The following STPG2 variants were observed in gnomAD, a reference collection of about 807,000 sequenced individuals.
STPG2 encodes sperm-tail PG-rich repeat-containing protein 2.
STPG2 carries 56 observed loss-of-function variants against 54.2 expected under a neutral mutation model. That is an observed-to-expected ratio of 1.03 (90% CI 0.83 to 1.29). The LOEUF is 1.29. Among genes scored for constraint, STPG2 ranks in the 50% most tolerant of loss-of-function variants. The pLI, the probability that STPG2 is intolerant of heterozygous loss-of-function variation, is 0.00. For synonymous variants in STPG2, 200 were observed against 181.8 expected (o/e 1.10, Z -0.81); for missense variants, 596 against 544.9 (o/e 1.09, Z -0.93).
chr4:97,896,001 C>A (rs1730940226), intron 8 of STPG2, among the ~76,000 whole-genome samples: 1 of 151,814 alleles, frequency 6.6e-6, no homozygotes, highest in African/African-American at 2.4e-5. Context: ...TCAGGTGTGA[C>A]TTTAAAAGTT....
intron 7 of STPG2, among the ~76,000 whole-genome samples, chr4:97,949,004 G>A (rs1733358852): frequency 1.3e-5 from 2 of 152,058 alleles, no homozygotes; most frequent in Admixed American, 6.6e-5. Context: ...TGCTGTCAAT[G>A]GGGTGTTGAA....
At chr4:97,582,874 A>G (rs1732896347) in intron 10 of STPG2, among the ~76,000 whole-genome samples, 1 of 152,062 alleles carries the variant, frequency 6.6e-6, no homozygotes, top group South Asian at 2.1e-4. Context: ...TGCTATCATA[A>G]GCTGGGAGGA....
intron 10 of STPG2, among the ~76,000 whole-genome samples, chr4:97,699,124 G>A (rs1048868121): frequency 5.3e-5 from 8 of 152,180 alleles, no homozygotes; most frequent in African/African-American, 1.9e-4. Flanking sequence ...TGAGGAATGT[G>A]GCTATACTGA....
chr4:98,135,853 T>C (rs1170653960), intron 1 of STPG2, among the ~76,000 whole-genome samples: 1 of 151,702 alleles, frequency 6.6e-6, no homozygotes, highest in Admixed American at 6.6e-5. Context: ...TTACTCAGGG[T>C]AAATAGCCAG....
intron 10 of STPG2, among the ~76,000 whole-genome samples, chr4:97,574,960 A>G (rs2148886386): frequency 6.6e-6 from 1 of 152,154 alleles, no homozygotes; most frequent in Middle Eastern, 3.4e-3. Context: ...TGAAATTACA[A>G]AAAAATCACA....
intron 7 of STPG2, among the ~76,000 whole-genome samples, chr4:97,955,821 C>A (rs976407804): frequency 6.6e-6 from 1 of 152,014 alleles, no homozygotes; most frequent in African/African-American, 2.4e-5. Flanking sequence ...GATGGAAAGT[C>A]TAAAAAAACA....
Position 97,820,561 on chromosome 4 carries a change from A to T in STPG2, c.1204+20212T>A, listed in dbSNP as rs544296395. Among the ~76,000 whole-genome samples, 21 of 152,326 alleles carry T rather than the reference A, an allele frequency of 1.4e-4. No individual in the cohort carries two copies. In the South Asian group the frequency reaches 4.1e-3, roughly 30 times the overall value. On this transcript the variant is annotated intron_variant, in intron 9 of 10. Transcript: ENST00000295268. ...AAAATGCTACCACAGTAAATACACA[A>T]ATCAAAAGAAAGTTGTTAAGCCATT...
chr4:98,101,242 A>G (rs1739028617), intron 5 of STPG2, among the ~76,000 whole-genome samples: 1 of 152,188 alleles, frequency 6.6e-6, no homozygotes, highest in African/African-American at 2.4e-5. Flanking sequence ...ACAGAATAAG[A>G]GACAATTTCC....
At chr4:98,000,754 G>A (rs1339122880) in intron 5 of STPG2, among the ~76,000 whole-genome samples, 1 of 152,104 alleles carries the variant, frequency 6.6e-6, no homozygotes, top group East Asian at 1.9e-4. Context: ...ACCATTGCAA[G>A]TGTCACTGGG....
intron 8 of STPG2, among the ~76,000 whole-genome samples, chr4:97,912,157 T>A (rs1186445588): frequency 6.6e-6 from 1 of 151,312 alleles, no homozygotes; most frequent in East Asian, 1.9e-4. Context: ...AAAAAAAACA[T>A]TCAAAGATCA....
At chr4:97,609,669 G>C (rs993651533) in intron 10 of STPG2, among the ~76,000 whole-genome samples, 2 of 151,854 alleles carry the variant, frequency 1.3e-5, no homozygotes, top group South Asian at 2.1e-4. Context: ...CCTATAAAAA[G>C]TGCTTCTAAT....
chr4:97,934,788 G>T (rs541265483), intron 8 of STPG2, among the ~76,000 whole-genome samples: 1 of 152,082 alleles, frequency 6.6e-6, no homozygotes, highest in African/African-American at 2.4e-5. Context: ...TTGCATCTAT[G>T]TTCATCAGGG....
chr4:97,806,047 G>A (rs934651149), intron 9 of STPG2, among the ~76,000 whole-genome samples: 4 of 152,172 alleles, frequency 2.6e-5, no homozygotes, highest in Admixed American at 6.5e-5. Flanking sequence ...AAAGATACAT[G>A]CACTGGTATG....
chr4:97,917,399 C>T (rs1029599152), intron 8 of STPG2: 3 of 152,188 alleles, frequency 2.0e-5, no homozygotes, highest in African/African-American at 7.2e-5. Flanking sequence ...GCACTGCCGC[C>T]ATAGCCAGGC....
intron 9 of STPG2, among the ~76,000 whole-genome samples, chr4:97,751,248 A>T (rs1159836435): frequency 6.6e-6 from 1 of 151,746 alleles, no homozygotes; most frequent in African/African-American, 2.4e-5. Flanking sequence ...ATTTTGCCCC[A>T]TTTCCCTTTT....
intron 5 of STPG2, among the ~76,000 whole-genome samples, chr4:98,063,868 C>T (rs947012380): frequency 2.0e-5 from 3 of 151,764 alleles, no homozygotes; most frequent in East Asian, 3.9e-4. Flanking sequence ...AGTGAGACTA[C>T]GTTTCTACAA....
chr4:97,854,195 T>A (rs1357461480), intron 8 of STPG2, among the ~76,000 whole-genome samples: 1 of 152,112 alleles, frequency 6.6e-6, no homozygotes, highest in African/African-American at 2.4e-5. Flanking sequence ...TGCACTGGAG[T>A]TAATGTCTAC....
At chr4:97,694,822 A>G (rs1723512385) in intron 10 of STPG2, among the ~76,000 whole-genome samples, 3 of 97,030 alleles carry the variant, frequency 3.1e-5, no homozygotes, top group Non-Finnish European at 5.3e-5. Context: ...CAAAAAAAAA[A>G]AAAAAAAAAA....
intron 4 of STPG2, among the ~76,000 whole-genome samples, chr4:97,494,116 G>A (rs2148829028): frequency 6.6e-6 from 1 of 151,570 alleles, no homozygotes; most frequent in Admixed American, 6.6e-5. Context: ...AAGAGATTTG[G>A]GGGTATGAAT....
Sources: gnomAD v4.1 joint callset for allele counts (sites outside exome capture counted in the v4.1 genomes callset) on GRCh38, gnomAD v4.1.1 for gene constraint, MANE v1.5 for transcripts, NCBI Gene and HGNC (gene_info 2026-07-23, HGNC 2026-07-21) for gene names.